Variants in TIMM23 observed in about 807,000 individuals in gnomAD.
The protein encoded by TIMM23 is translocase of inner mitochondrial membrane 23.
Under a neutral mutation model 30.7 loss-of-function variants are expected in TIMM23, and 19 were observed. The ratio of observed to expected loss-of-function variants is 0.62; its 90% confidence interval spans 0.43 to 0.91. TIMM23 has a LOEUF of 0.91. Among genes scored for constraint, TIMM23 ranks in the 40% least tolerant of loss-of-function variants. The pLI is 0.00. For missense variants in TIMM23, 202 were observed against 269.2 expected (o/e 0.75, Z 1.75); for synonymous variants, 78 against 98.5 (o/e 0.79, Z 1.23).
Position 45,972,521 on chromosome 10 carries a change from G to A in TIMM23, c.-104G>A, listed in dbSNP as rs1218102182. ...GCCCGGAAGGTCAGCGTGTGAAGTA[G>A]GCGCTGGCAACGCGGGGTTACCCGC... On this transcript the variant is annotated 5_prime_UTR_variant, in exon 1 of 7. Coordinates refer to ENST00000580018, the MANE Select transcript of TIMM23 (RefSeq NM_006327.4). 8.9e-6 allele frequency: 13 copies of A among 1,468,250 alleles called. No homozygotes were observed. The highest frequency in any genetic ancestry group is 4.3e-5 in the African/African-American group (3 of 70,422). 91.0% of individuals were successfully genotyped at this position (1,468,250 alleles called of 1,614,324 possible).
chr10:45,984,693 G>A (rs1837947016), intron 4 of TIMM23: 3 of 337,954 alleles, frequency 8.9e-6, no homozygotes, highest in Non-Finnish European at 1.8e-5. Flanking sequence ...TCTTCATCCA[G>A]TTGCGTCCAT....
chr10:46,002,129 A>G (rs1320075626), intron 6 of TIMM23, among the ~76,000 whole-genome samples: 2 of 152,078 alleles, frequency 1.3e-5, no homozygotes, highest in African/African-American at 4.8e-5. Context: ...GCGTCAGTGC[A>G]TGAAGTGGGG....
In TIMM23 at chr10:45,988,673, A is replaced by G. The variant is rs1471700450; in HGVS notation, c.404-64A>G. ...AGGAACCATGGATGAAAACCAATATATGTATATCATAATATCACACTTTAT... is the reference window on the plus strand; with the variant it reads ...AGGAACCATGGATGAAAACCAATATGTGTATATCATAATATCACACTTTAT... On this transcript the variant is annotated intron_variant, in intron 5 of 6. Coordinates refer to ENST00000580018, the MANE Select transcript of TIMM23 (RefSeq NM_006327.4). 4 of 1,165,600 alleles carry G rather than the reference A, an allele frequency of 3.4e-6. No individual in the cohort carries two copies. In the Admixed American group the frequency reaches 6.7e-5, roughly 20 times the overall value. The allele number at this position is 1,165,600 out of a possible 1,614,324, so 72.2% of individuals were successfully genotyped here. A position where few individuals can be genotyped will look rare whatever the true frequency, so the allele number is the denominator to read the frequency against.
At chr10:45,993,511 G>A (rs1465984120) in intron 6 of TIMM23, among the ~76,000 whole-genome samples, 3 of 152,014 alleles carry the variant, frequency 2.0e-5, no homozygotes, top group African/African-American at 4.8e-5. Flanking sequence ...CAGAGATCGC[G>A]CCACTGAATT....
intron 1 of TIMM23, among the ~76,000 whole-genome samples, 179 bp from the exon 2 acceptor site, chr10:45,975,275 G>T (rs1837633201): frequency 6.6e-6 from 1 of 152,098 alleles, no homozygotes. Flanking sequence ...GGGATTGAGG[G>T]TCTCAGGATG....
chr10:45,972,544 C>G lies in TIMM23; in HGVS notation c.-81C>G. The G allele has an allele frequency of 1.3e-6, 2 of 1,522,464 alleles. No individual in the cohort carries two copies. Among genetic ancestry groups the G allele is most frequent in the African/African-American group, 1.4e-5 (1 of 71,808 alleles). The allele number at this position is 1,522,464 out of a possible 1,614,324, so 94.3% of individuals were successfully genotyped here. On this transcript the variant is annotated 5_prime_UTR_variant, in exon 1 of 7. Transcript: ENST00000580018. ...TAGGCGCTGGCAACGCGGGGTTACC[C>G]GCTGTTATTGAGGAGTAACGGCCCA...
At chr10:45,987,041 T>G (rs1838012001) in intron 5 of TIMM23, among the ~76,000 whole-genome samples, 1 of 152,066 alleles carries the variant, frequency 6.6e-6, no homozygotes, top group Non-Finnish European at 1.5e-5. Flanking sequence ...ATTCTTCTGG[T>G]TTTTAAGTGA....
At chr10:45,978,037 A>AT (rs1837728267) in intron 2 of TIMM23, among the ~76,000 whole-genome samples, 22 of 152,198 alleles carry the variant, frequency 1.4e-4, no homozygotes, top group South Asian at 6.2e-4. Flanking sequence ...GTCTCAAAAA[A>AT]AAAATAAAAA....
At chr10:45,997,263 A>T (rs1393092331) in intron 6 of TIMM23, among the ~76,000 whole-genome samples, 1 of 152,164 alleles carries the variant, frequency 6.6e-6, no homozygotes, top group Non-Finnish European at 1.5e-5. Context: ...TTCTGCCTTT[A>T]AAAAGGAAAT....
At chr10:45,998,327 ATG>A in intron 6 of TIMM23, 2 of 975,206 alleles carry the variant, frequency 2.1e-6, no homozygotes, top group Non-Finnish European at 2.4e-6. Context: ...TCATTTTCTC[ATG>A]TATAGAAGAG....
intron 6 of TIMM23, among the ~76,000 whole-genome samples, chr10:46,001,707 A>ATGTC (rs1454203252): frequency 3.3e-5 from 5 of 152,154 alleles, no homozygotes; most frequent in Non-Finnish European, 5.9e-5. Context: ...AGGTACAAAG[A>ATGTC]TGGCTACCTG....
At chr10:45,996,126 C>T (rs1590129174) in intron 6 of TIMM23, among the ~76,000 whole-genome samples, 1 of 144,298 alleles carries the variant, frequency 6.9e-6, no homozygotes, top group Non-Finnish European at 1.5e-5. Context: ...CTTTGGGAGG[C>T]CAAGGCGGGA....
At chr10:45,984,662 TG>T in intron 4 of TIMM23, 1 of 276,574 alleles carries the variant, frequency 3.6e-6, no homozygotes, top group Non-Finnish European at 7.3e-6. Context: ...CATGTTACAC[TG>T]CTGGGAGAAG....
chr10:46,001,590 G>A (rs2132288469), intron 6 of TIMM23, among the ~76,000 whole-genome samples: 1 of 152,208 alleles, frequency 6.6e-6, no homozygotes, highest in South Asian at 2.1e-4. Context: ...CAACATCACT[G>A]AATGTCACAG....
intron 2 of TIMM23, 124 bp downstream of exon 2, chr10:45,975,636 C>T (rs1837651418): frequency 7.9e-7 from 1 of 1,263,442 alleles, no homozygotes; most frequent in African/African-American, 1.5e-5. Context: ...TCTCCATTCA[C>T]CCTTTTTTCC....
intron 2 of TIMM23, among the ~76,000 whole-genome samples, chr10:45,977,666 AC>A (rs1183630136): frequency 5.9e-5 from 9 of 152,254 alleles, no homozygotes; most frequent in African/African-American, 2.2e-4. Context: ...CACCAAAAGC[AC>A]AAGTGGTAAA....
At chr10:45,981,627 A>G (rs1239361538) in intron 2 of TIMM23, among the ~76,000 whole-genome samples, 1 of 152,068 alleles carries the variant, frequency 6.6e-6, no homozygotes, top group African/African-American at 2.4e-5. Flanking sequence ...TTCTGAATCA[A>G]CGTTCAGTAT....
intron 6 of TIMM23, chr10:45,992,663 T>A: frequency 2.6e-6 from 1 of 389,528 alleles, no homozygotes; most frequent in Non-Finnish European, 5.0e-6. Context: ...GTTCAAGCGA[T>A]TCTCCTGCCT....
chr10:45,980,738 G>A (rs1360260581), intron 2 of TIMM23, among the ~76,000 whole-genome samples: 4 of 151,938 alleles, frequency 2.6e-5, no homozygotes, highest in Non-Finnish European at 5.9e-5. Flanking sequence ...TTTAACAAGA[G>A]GTTTTTAGTA....
Sources: gnomAD v4.1 joint callset for allele counts (sites outside exome capture counted in the v4.1 genomes callset) on GRCh38, gnomAD v4.1.1 for gene constraint, MANE v1.5 for transcripts, NCBI Gene and HGNC (gene_info 2026-07-23, HGNC 2026-07-21) for gene names.